The following CDYL2 variants were observed in gnomAD, a reference collection of about 807,000 sequenced individuals.
CDYL2 encodes chromodomain Y-like protein 2.
CDYL2 carries 23 observed loss-of-function variants against 49.4 expected under a neutral mutation model. The observed-to-expected ratio is 0.47, with a 90% CI of 0.34 to 0.66. The LOEUF (loss-of-function observed/expected upper bound fraction) is 0.66, where lower values mean the gene tolerates loss of function less well. Among genes scored for constraint, CDYL2 ranks in the 30% least tolerant of loss-of-function variants. The pLI is 0.01. For synonymous variants in CDYL2, 360 were observed against 268.8 expected (o/e 1.34, Z -3.32); for missense variants, 678 against 656.4 (o/e 1.03, Z -0.36).
At chr16:80,669,433 C>T (rs1464345003) in intron 2 of CDYL2, among the ~76,000 whole-genome samples, 1 of 152,086 alleles carries the variant, frequency 6.6e-6, no homozygotes, top group Non-Finnish European at 1.5e-5. Context: ...CTTTAGATGT[C>T]CCCCCTCCAC....
intron 2 of CDYL2, among the ~76,000 whole-genome samples, chr16:80,642,208 C>T (rs895586839): frequency 5.3e-5 from 8 of 152,172 alleles, no homozygotes; most frequent in East Asian, 1.9e-4. Context: ...TTTGGGAGGC[C>T]GAGGTGGGTG....
chr16:80,757,467 G>C (rs928564168), intron 1 of CDYL2, among the ~76,000 whole-genome samples: 4 of 150,342 alleles, frequency 2.7e-5, no homozygotes, highest in East Asian at 3.9e-4. Context: ...TTGAGCCCAA[G>C]AGTTCAAGGC....
At chr16:80,726,505 T>G (rs1905167394) in intron 1 of CDYL2, among the ~76,000 whole-genome samples, 3 of 152,230 alleles carry the variant, frequency 2.0e-5, no homozygotes, top group African/African-American at 7.2e-5. Flanking sequence ...TAATCCCAAG[T>G]ACAAAGCTTG....
At chr16:80,707,822 CAAG>C (rs1904457800) in intron 1 of CDYL2, among the ~76,000 whole-genome samples, 1 of 152,200 alleles carries the variant, frequency 6.6e-6, no homozygotes, top group Non-Finnish European at 1.5e-5. Flanking sequence ...GTTGGTGCTT[CAAG>C]TGGCCTGTAA....
intron 1 of CDYL2, among the ~76,000 whole-genome samples, chr16:80,766,216 G>A (rs773302116): frequency 6.6e-6 from 1 of 151,720 alleles, no homozygotes; most frequent in Non-Finnish European, 1.5e-5. Context: ...AAAAACTACC[G>A]AATTGCATAT....
Position 80,640,047 on chromosome 16 carries a change from G to A in CDYL2, c.617-6811C>T, listed in dbSNP as rs923906717. 2.0e-5 allele frequency among the ~76,000 whole-genome samples: 3 copies of A among 152,078 alleles called. No individual in the cohort carries two copies. The East Asian group carries it at 5.8e-4, about 29-fold the overall frequency. ...CCTGAAAGGTGGTCTAGGCCACAAG[G>A]GCTAGACCTCCAAGGCCAATCCTAG... is the stretch of plus-strand genomic sequence containing the variant. On this transcript the variant is annotated intron_variant, in intron 2 of 6. Coordinates refer to ENST00000570137, the MANE Select transcript of CDYL2 (RefSeq NM_152342.4).
chr16:80,664,324 C>T (rs957556518), intron 2 of CDYL2, among the ~76,000 whole-genome samples: 1 of 152,208 alleles, frequency 6.6e-6, no homozygotes, highest in Admixed American at 6.5e-5. Context: ...CACCTTCACA[C>T]ATCTAATCCT....
chr16:80,668,956 T>C (rs1347904463), intron 2 of CDYL2, among the ~76,000 whole-genome samples: 1 of 151,928 alleles, frequency 6.6e-6, no homozygotes, highest in Non-Finnish European at 1.5e-5. Context: ...TTTTCCATAC[T>C]GTTTGAATTT....
chr16:80,779,134 G>A (rs1429167968), intron 1 of CDYL2, among the ~76,000 whole-genome samples: 1 of 151,958 alleles, frequency 6.6e-6, no homozygotes, highest in African/African-American at 2.4e-5. Flanking sequence ...GGAGAACAGT[G>A]AGATGAGAAA....
chr16:80,640,668 C>G (rs1191713011), intron 2 of CDYL2, among the ~76,000 whole-genome samples: 1 of 152,156 alleles, frequency 6.6e-6, no homozygotes, highest in African/African-American at 2.4e-5. Flanking sequence ...TTCAAAGTAG[C>G]TGTTCTGAGG....
At chr16:80,786,512 G>A (rs1002534635) in intron 1 of CDYL2, among the ~76,000 whole-genome samples, 8 of 152,194 alleles carry the variant, frequency 5.3e-5, no homozygotes, top group African/African-American at 1.2e-4. Context: ...TTACACTGTC[G>A]ATGGGAGTGT....
chr16:80,794,262 G>C (rs1018492430), intron 1 of CDYL2, among the ~76,000 whole-genome samples: 3 of 152,114 alleles, frequency 2.0e-5, no homozygotes, highest in Admixed American at 6.5e-5. Context: ...ACCATGTCTA[G>C]AACATTCACC....
intron 1 of CDYL2, among the ~76,000 whole-genome samples, chr16:80,726,818 T>A (rs1905177393): frequency 6.6e-6 from 1 of 151,444 alleles, no homozygotes; most frequent in Admixed American, 6.6e-5. Context: ...CTAAGCATGG[T>A]GGCTCATGCC....
At chr16:80,800,559 C>T (rs1277347312) in intron 1 of CDYL2, among the ~76,000 whole-genome samples, 1 of 151,976 alleles carries the variant, frequency 6.6e-6, no homozygotes, top group Non-Finnish European at 1.5e-5. Context: ...CAACCAACCA[C>T]AAACCGAAAA....
intron 1 of CDYL2, among the ~76,000 whole-genome samples, chr16:80,710,325 G>C (rs952505375): frequency 5.9e-5 from 9 of 152,266 alleles, no homozygotes; most frequent in African/African-American, 2.2e-4. Flanking sequence ...GAAGTACACA[G>C]TACTACAAAT....
At chr16:80,647,664 C>A (rs1908409905) in intron 2 of CDYL2, among the ~76,000 whole-genome samples, 1 of 152,144 alleles carries the variant, frequency 6.6e-6, no homozygotes, top group African/African-American at 2.4e-5. Context: ...AAATATTGGA[C>A]TTCATCTGCA....
chr16:80,659,050 GTGATGGATGGATGGATGGATGGAT>G (rs1908926826), intron 2 of CDYL2, among the ~76,000 whole-genome samples: 1 of 109,170 alleles, frequency 9.2e-6, no homozygotes. Context: ...CACGATAGAG[GTGATGGATGGATGGATGGATGGAT>G]GGATGGATGG....
chr16:80,720,105 G>A lies in CDYL2; in HGVS notation c.25-34976C>T, dbSNP rs535494104. Among the ~76,000 whole-genome samples the A allele has an allele frequency of 1.3e-4, 20 of 152,272 alleles. No individual in the cohort carries two copies. The South Asian group carries it at 3.7e-3, about 28-fold the overall frequency. On this transcript the variant is annotated intron_variant, in intron 1 of 6. Transcript: ENST00000570137. ...AGGCAGAAATGGGCAGGTAGAGAATGAAACTGGGAACATAAGAATTTGAGC... is the reference window on the plus strand; with the variant it reads ...AGGCAGAAATGGGCAGGTAGAGAATAAAACTGGGAACATAAGAATTTGAGC...
At chr16:80,638,385 A>G (rs922543158) in intron 2 of CDYL2, among the ~76,000 whole-genome samples, 2 of 152,144 alleles carry the variant, frequency 1.3e-5, no homozygotes, top group Non-Finnish European at 2.9e-5. Flanking sequence ...AAGACTCAAT[A>G]TTTTTAATAT....
Sources: allele counts gnomAD v4.1 joint callset (sites outside exome capture counted in the v4.1 genomes callset), GRCh38; gene constraint gnomAD v4.1.1; transcripts MANE v1.5; gene names NCBI Gene and HGNC (gene_info 2026-07-23, HGNC 2026-07-21).